GALNTL6: variants seen among roughly 807,000 people sequenced by gnomAD.
The protein encoded by GALNTL6 is polypeptide N-acetylgalactosaminyltransferase like 6.
A neutral mutation model predicts 73.7 loss-of-function variants in GALNTL6; 46 were observed. The observed-to-expected ratio is 0.62, with a 90% CI of 0.49 to 0.80. The LOEUF is 0.80. GALNTL6 is among the 30% of genes least tolerant of loss of function. The probability of loss-of-function intolerance (pLI) is 0.00; values close to 1 mark genes in which losing one functional copy is unlikely to be tolerated. For synonymous variants in GALNTL6, 259 were observed against 263.7 expected (o/e 0.98, Z 0.17); for missense variants, 604 against 755.0 (o/e 0.80, Z 2.34).
At chr4:171,986,593 T>C (rs1360734806) in intron 2 of GALNTL6, among the ~76,000 whole-genome samples, 3 of 152,018 alleles carry the variant, frequency 2.0e-5, no homozygotes, top group African/African-American at 7.3e-5. Flanking sequence ...TCGAGCGGGA[T>C]TAGGGGTGGC....
chr4:172,496,587 G>A (rs1449698990), intron 5 of GALNTL6, among the ~76,000 whole-genome samples: 1 of 152,122 alleles, frequency 6.6e-6, no homozygotes, highest in Non-Finnish European at 1.5e-5. Flanking sequence ...GGAAGCTGAG[G>A]TGGGGGGATC....
chr4:172,583,870 G>A (rs1020177400), intron 5 of GALNTL6, among the ~76,000 whole-genome samples: 1 of 136,264 alleles, frequency 7.3e-6, no homozygotes, highest in Non-Finnish European at 1.5e-5. Context: ...TCCAGCCTGG[G>A]CCGACAGAGC....
chr4:172,054,609 G>A (rs190794537), intron 2 of GALNTL6, among the ~76,000 whole-genome samples: 2 of 152,046 alleles, frequency 1.3e-5, no homozygotes, highest in African/African-American at 2.4e-5. Flanking sequence ...TATTAATCTT[G>A]TTCACAAGAA....
At chr4:172,447,554 T>C (rs1185871095) in intron 5 of GALNTL6, among the ~76,000 whole-genome samples, 1 of 152,188 alleles carries the variant, frequency 6.6e-6, no homozygotes, top group Non-Finnish European at 1.5e-5. Context: ...GAAGCCCATT[T>C]ATTATAACAA....
chr4:172,818,571 A>G (rs1327080576), intron 7 of GALNTL6, among the ~76,000 whole-genome samples: 1 of 152,178 alleles, frequency 6.6e-6, no homozygotes, highest in Non-Finnish European at 1.5e-5. Context: ...AAATACATAT[A>G]TACAGCAGCG....
At chr4:172,175,294 G>A (rs1046629946) in intron 2 of GALNTL6, among the ~76,000 whole-genome samples, 2 of 152,030 alleles carry the variant, frequency 1.3e-5, no homozygotes, top group Non-Finnish European at 2.9e-5. Context: ...TCAAACTCCT[G>A]AACTCAGGTG....
At chr4:171,966,121 C>A (rs1739375290) in intron 2 of GALNTL6, among the ~76,000 whole-genome samples, 1 of 152,086 alleles carries the variant, frequency 6.6e-6, no homozygotes, top group South Asian at 2.1e-4. Flanking sequence ...TAAGTTGTCA[C>A]CACCACCACA....
intron 5 of GALNTL6, among the ~76,000 whole-genome samples, chr4:172,477,166 C>CTT (rs1192761507): frequency 7.0e-6 from 1 of 141,860 alleles, no homozygotes; most frequent in East Asian, 2.1e-4. Context: ...GCTTAAGAGA[C>CTT]TTTAAAAGAT....
chr4:172,825,774 G>A (rs759841864), intron 7 of GALNTL6, among the ~76,000 whole-genome samples: 16 of 152,294 alleles, frequency 1.1e-4, no homozygotes, highest in South Asian at 4.2e-4. Flanking sequence ...AAAGCTGTGC[G>A]TAGCTGAGAG....
intron 4 of GALNTL6, among the ~76,000 whole-genome samples, chr4:172,316,658 G>A (rs1285325805): frequency 6.6e-6 from 1 of 152,176 alleles, no homozygotes; most frequent in Non-Finnish European, 1.5e-5. Flanking sequence ...ATGTAGTCCT[G>A]TTTCCTGTAG....
At chr4:172,428,150 T>G (rs1731297456) in intron 5 of GALNTL6, among the ~76,000 whole-genome samples, 1 of 152,158 alleles carries the variant, frequency 6.6e-6, no homozygotes, top group African/African-American at 2.4e-5. Flanking sequence ...ACCAAAATTT[T>G]TAGTATAACT....
At chr4:172,285,162 G>T (rs1341068095) in intron 3 of GALNTL6, among the ~76,000 whole-genome samples, 2 of 152,134 alleles carry the variant, frequency 1.3e-5, no homozygotes, top group East Asian at 1.9e-4. Context: ...CTTGATTAGA[G>T]AACTATTACC....
intron 2 of GALNTL6, among the ~76,000 whole-genome samples, chr4:172,137,861 G>A (rs920568183): frequency 6.6e-6 from 1 of 152,092 alleles, no homozygotes; most frequent in Non-Finnish European, 1.5e-5. Flanking sequence ...CCATAGAATA[G>A]GAAATCCAGT....
In GALNTL6 at chr4:171,895,333, T is replaced by G. The variant is rs78187872; in HGVS notation, c.138+80615T>G. The stretch of plus-strand genomic sequence containing the variant: ...CCTTGCGTGAAAAAAGCTCCAATTC[T>G]CTGGTCTGGGAAATCAAAATATCGA... On this transcript the variant is annotated intron_variant, in intron 2 of 12. Coordinates refer to ENST00000506823, the MANE Select transcript of GALNTL6 (RefSeq NM_001034845.3). 4.6e-5 allele frequency among the ~76,000 whole-genome samples: 7 copies of G among 152,266 alleles called. No homozygotes were observed. The East Asian group carries it at 1.4e-3, about 29-fold the overall frequency.
intron 12 of GALNTL6, among the ~76,000 whole-genome samples, chr4:173,027,884 T>C (rs534505954): frequency 6.6e-6 from 1 of 152,208 alleles, no homozygotes; most frequent in Non-Finnish European, 1.5e-5. Flanking sequence ...GTTTATATAC[T>C]AGCAACAAAA....
At chr4:172,478,301 G>A (rs192231184) in intron 5 of GALNTL6, among the ~76,000 whole-genome samples, 104 of 152,252 alleles carry the variant, frequency 6.8e-4, no homozygotes, top group South Asian at 8.3e-4. Flanking sequence ...GCATGGACTC[G>A]TGTAAAAGTA....
chr4:172,588,532 C>CAA (rs1181803345), intron 5 of GALNTL6, among the ~76,000 whole-genome samples: 3 of 95,878 alleles, frequency 3.1e-5, no homozygotes, highest in Admixed American at 1.1e-4. Flanking sequence ...GACCCTGTCT[C>CAA]AAAAAAAAAA....
chr4:172,105,942 A>T (rs1263997073), intron 2 of GALNTL6, among the ~76,000 whole-genome samples: 1 of 152,196 alleles, frequency 6.6e-6, no homozygotes, highest in Non-Finnish European at 1.5e-5. Context: ...GTTTGAAAAC[A>T]TTATAATATG....
intron 2 of GALNTL6, among the ~76,000 whole-genome samples, chr4:171,910,492 CT>C (rs35598978): frequency 1.0e-4 from 15 of 150,246 alleles, no homozygotes; most frequent in East Asian, 3.9e-4. Flanking sequence ...TTGGAAATGT[CT>C]TTTTTTTTAA....
Sources: allele counts gnomAD v4.1 joint callset (sites outside exome capture counted in the v4.1 genomes callset), GRCh38; gene constraint gnomAD v4.1.1; transcripts MANE v1.5; gene names NCBI Gene and HGNC (gene_info 2026-07-23, HGNC 2026-07-21).